CCL5: variants seen among roughly 807,000 people sequenced by gnomAD.
CCL5 encodes the protein C-C motif chemokine 5.
Under a neutral mutation model 9.0 loss-of-function variants are expected in CCL5, and 5 were observed. The ratio of observed to expected loss-of-function variants is 0.55; its 90% confidence interval spans 0.29 to 1.16. The LOEUF (loss-of-function observed/expected upper bound fraction) is 1.16, where lower values mean the gene tolerates loss of function less well. Ranked by LOEUF, CCL5 falls within the 50% of genes most tolerant of loss-of-function variation. The probability of loss-of-function intolerance (pLI) is 0.08; values close to 1 mark genes in which losing one functional copy is unlikely to be tolerated. For missense variants in CCL5, 183 were observed against 183.2 expected (o/e 1.00, Z 0.01); for synonymous variants, 66 against 72.0 (o/e 0.92, Z 0.42).
At chr17:35,873,571 G>T (rs2088404818) in intron 3 of CCL5, among the ~76,000 whole-genome samples, 1 of 152,220 alleles carries the variant, frequency 6.6e-6, no homozygotes, top group Non-Finnish European at 1.5e-5. Flanking sequence ...CTGTGCATGG[G>T]TGGGTGAACG....
chr17:35,879,944 C>T (rs1190279013), intron 1 of CCL5, among the ~76,000 whole-genome samples: 3 of 152,104 alleles, frequency 2.0e-5, no homozygotes, highest in Admixed American at 2.0e-4. Flanking sequence ...TACTAATCTC[C>T]CCAACATGAG....
Position 35,880,314 on chromosome 17 carries a change from T to A in CCL5, c.-9A>T. On this transcript the variant is annotated 5_prime_UTR_variant, in exon 1 of 4. Coordinates refer to ENST00000651122, the MANE Select transcript of CCL5 (RefSeq NM_001278736.2). Reference sequence around the variant, plus strand: ...GCCGCGGAGACCTTCATGGTACCTGTGGGAGAGGCTGTGCGAGGTCCACGT... The same window carrying A: ...GCCGCGGAGACCTTCATGGTACCTGAGGGAGAGGCTGTGCGAGGTCCACGT... 1 of 1,608,500 alleles carries A rather than the reference T, an allele frequency of 6.2e-7. No individual in the cohort carries two copies. Among genetic ancestry groups the A allele is most frequent in the Non-Finnish European group, 8.5e-7 (1 of 1,177,126 alleles).
rs558025324 is a variant in CCL5 at position 35,878,392 on chromosome 17, C to T, written c.188+136G>A. The T allele has an allele frequency of 1.7e-4, 105 of 628,564 alleles. No individual in the cohort carries two copies. The African/African-American group carries it at 1.7e-3, about 10-fold the overall frequency. 38.9% of individuals were successfully genotyped at this position (628,564 alleles called of 1,614,324 possible). On this transcript the variant is annotated intron_variant, in intron 2 of 3. Transcript: ENST00000651122. The stretch of plus-strand genomic sequence containing the variant: ...CTTGTCTAGTCTTTTTACATGATAG[C>T]AGGGGACTCTGAGGCTAGAGATGGA...
chr17:35,879,247 T>C (rs2088481985), intron 1 of CCL5, among the ~76,000 whole-genome samples: 1 of 152,178 alleles, frequency 6.6e-6, no homozygotes, highest in African/African-American at 2.4e-5. Flanking sequence ...TTCCTAGCTG[T>C]GTGCCTCCAT....
chr17:35,873,101 G>A (rs2088394513), intron 3 of CCL5, among the ~76,000 whole-genome samples: 2 of 152,084 alleles, frequency 1.3e-5, no homozygotes, highest in South Asian at 4.2e-4. Context: ...TGTTGGCCAG[G>A]ATGGTCTCAA....
rs1041361021 is a variant in CCL5, at chr17:35,875,588, C to T, written c.243G>A (p.Leu81=). Reference sequence around the variant, plus strand: ...TGCCCTTGTTCAGCCGGGAGTCATACAGGAAATCCTGCCAGACTTGCTGTC... The same window carrying T: ...TGCCCTTGTTCAGCCGGGAGTCATATAGGAAATCCTGCCAGACTTGCTGTC... Residue 81 remains leucine (L), a synonymous_variant, in exon 3 of 4, where the codon CTG becomes CTA. Transcript: ENST00000651122. The T allele has an allele frequency of 7.1e-6, 7 of 985,300 alleles. No individual in the cohort carries two copies. The Admixed American group carries it at 3.7e-4, about 52-fold the overall frequency. The allele number at this position is 985,300 out of a possible 1,614,324, so 61.0% of individuals were successfully genotyped here. A position where few individuals can be genotyped will look rare whatever the true frequency, so the allele number is the denominator to read the frequency against.
rs1251084008 is a variant in CCL5 at position 35,880,251 on chromosome 17, C to T, written c.55G>A (p.Ala19Thr). The change falls in exon 1 of 4, where the codon GCT becomes ACT. Residue 19 changes from alanine to threonine, a missense_variant. Transcript: ENST00000651122. ...TTACATGGGGAGGCAGATGCAGGAG[C>T]GCAGAGGGCAGTAGCAATGAGGATG... 2 of 1,613,776 alleles carry T rather than the reference C, an allele frequency of 1.2e-6. No homozygotes were observed. The highest frequency in any genetic ancestry group is 1.7e-6 in the Non-Finnish European group (2 of 1,179,880).
At chr17:35,879,521 G>A (rs368743561) in intron 1 of CCL5, among the ~76,000 whole-genome samples, 2 of 151,632 alleles carry the variant, frequency 1.3e-5, no homozygotes, top group African/African-American at 4.8e-5. Flanking sequence ...TGTAGTCCCC[G>A]CTACTCCGGA....
chr17:35,880,022 G>C (rs1157772612), intron 1 of CCL5, among the ~76,000 whole-genome samples: 1 of 152,142 alleles, frequency 6.6e-6, no homozygotes, highest in East Asian at 1.9e-4. Flanking sequence ...CTGATCAGGA[G>C]ATCCCTGCCA....
At position 35,879,566 on chromosome 17, in the gene CCL5, C is replaced by T. The variant is rs565542781; in HGVS notation, c.76+664G>A. On this transcript the variant is annotated intron_variant, in intron 1 of 3. Coordinates refer to ENST00000651122, the MANE Select transcript of CCL5 (RefSeq NM_001278736.2). Reference sequence around the variant, plus strand: ...AGGAGAATGGCATGAACCCGGGAGACGGAGCTTGCAGTAAGCCGAGATCGT... The same window carrying T: ...AGGAGAATGGCATGAACCCGGGAGATGGAGCTTGCAGTAAGCCGAGATCGT... Among the ~76,000 whole-genome samples, 7 of 143,502 alleles carry T rather than the reference C, an allele frequency of 4.9e-5. No individual in the cohort carries two copies. The East Asian group carries it at 8.2e-4, about 17-fold the overall frequency. The allele number at this position is 143,502 out of a possible 152,430, so 94.1% of individuals were successfully genotyped here.
chr17:35,873,181 C>T (rs1331985303), intron 3 of CCL5, among the ~76,000 whole-genome samples: 2 of 143,528 alleles, frequency 1.4e-5, no homozygotes, highest in Non-Finnish European at 3.0e-5. Context: ...TGAGCCACGG[C>T]GCCTGGCCTC....
intron 2 of CCL5, among the ~76,000 whole-genome samples, chr17:35,876,933 A>G (rs772307286): frequency 2.9e-4 from 44 of 151,268 alleles, no homozygotes; most frequent in South Asian, 2.1e-4. Context: ...TTCCCTTGTC[A>G]TGTTTTTTTT....
intron 1 of CCL5, 62 bp downstream of exon 1, chr17:35,880,168 G>A (rs777759764): frequency 7.6e-6 from 10 of 1,309,436 alleles, no homozygotes; most frequent in Non-Finnish European, 1.1e-5. Context: ...TCATTGGGAT[G>A]GGGTAGGCAT....
chr17:35,878,514 G>A lies in CCL5; in HGVS notation c.188+14C>T, dbSNP rs1321369937. 14 of 1,583,938 alleles carry A rather than the reference G, an allele frequency of 8.8e-6. No homozygotes were observed. The highest frequency in any genetic ancestry group is 1.2e-5 in the Non-Finnish European group (14 of 1,153,022). On this transcript the variant is annotated intron_variant, in intron 2 of 3. Transcript: ENST00000651122. Reference sequence around the variant, plus strand: ...GAACAGGCTCTGGGAGGGCTCCATGGGGCTGAGACTCACACGACTGCTGGG... The same window carrying A: ...GAACAGGCTCTGGGAGGGCTCCATGAGGCTGAGACTCACACGACTGCTGGG...
rs140271646 is a variant in CCL5, at chr17:35,872,444, C to T, written c.291G>A (p.Pro97=). Residue 97 remains proline (P), a synonymous_variant, in exon 4 of 4, where the codon CCG becomes CCA. Transcript: ENST00000651122. The stretch of plus-strand genomic sequence containing the variant: ...CTTCTCTGGGTTGGCACACACTTGG[C>T]GGTTCTTTCGGGTGACAAAGCTGTG... The T allele has an allele frequency of 6.9e-5, 111 of 1,613,810 alleles. 1 individual carries two copies. In the South Asian group the frequency reaches 7.1e-4, roughly 10 times the overall value.
intron 3 of CCL5, among the ~76,000 whole-genome samples, chr17:35,873,177 A>C (rs2088395731): frequency 6.8e-6 from 1 of 147,678 alleles, no homozygotes; most frequent in African/African-American, 2.6e-5. Flanking sequence ...GGCGTGAGCC[A>C]CGGCGCCTGG....
At chr17:35,874,891 C>T (rs955791954) in intron 3 of CCL5, among the ~76,000 whole-genome samples, 3 of 152,126 alleles carry the variant, frequency 2.0e-5, no homozygotes, top group Admixed American at 6.6e-5. Context: ...GGATCACAGA[C>T]GTGAGCCACC....
At chr17:35,872,545 G>A (rs909277264) in intron 3 of CCL5, 81 bp from the exon 3 acceptor site, 3 of 1,144,346 alleles carry the variant, frequency 2.6e-6, no homozygotes, top group African/African-American at 3.0e-5. Flanking sequence ...GTGGATTAAG[G>A]TATAAAGGGA....
intron 3 of CCL5, among the ~76,000 whole-genome samples, chr17:35,874,896 G>A (rs573514238): frequency 3.0e-4 from 46 of 152,250 alleles, no homozygotes; most frequent in African/African-American, 1.1e-3. Context: ...ACAGACGTGA[G>A]CCACCGCACC....
Sources: gnomAD v4.1 joint callset for allele counts (sites outside exome capture counted in the v4.1 genomes callset) on GRCh38, gnomAD v4.1.1 for gene constraint, MANE v1.5 for transcripts, NCBI Gene and HGNC (gene_info 2026-07-23, HGNC 2026-07-21) for gene names.